CUX1: variants seen among roughly 807,000 people sequenced by gnomAD.
CUX1 encodes the protein protein CASP.
A neutral mutation model predicts 158.8 loss-of-function variants in CUX1; 31 were observed. That is an observed-to-expected ratio of 0.20 (90% CI 0.15 to 0.26). The LOEUF (loss-of-function observed/expected upper bound fraction) is 0.26, where lower values mean the gene tolerates loss of function less well. Among genes scored for constraint, CUX1 ranks in the 10% least tolerant of loss-of-function variants. The pLI is 1.00. For missense variants in CUX1, 1,589 were observed against 2,014.6 expected, an observed-to-expected ratio of 0.79 and a Z score of 4.04; for synonymous variants, 879 against 862.1, an observed-to-expected ratio of 1.02 and a Z score of -0.34.
chr7:102,233,435 T>TC (rs1211919775), intron 21 of CUX1, among the ~76,000 whole-genome samples: 5 of 152,152 alleles, frequency 3.3e-5, no homozygotes, highest in Admixed American at 1.3e-4. Flanking sequence ...CAAATGATCT[T>TC]CCCGCTTCAG....
rs548795253 is a variant in CUX1, at chr7:101,833,078, G to A, written c.30+15409G>A. ...TCCTGAGAAAAAGGGAGGAGGGTGC[G>A]TTCGACTGAACGTGAAGCGTTCAAG... On this transcript the variant is annotated intron_variant, in intron 1 of 23. Transcript: ENST00000292535. 6.6e-5 allele frequency among the ~76,000 whole-genome samples: 10 copies of A among 152,120 alleles called. No individual in the cohort carries two copies. The South Asian group carries it at 8.3e-4, about 13-fold the overall frequency.
At chr7:102,036,014 T>C (rs1421620965) in intron 3 of CUX1, among the ~76,000 whole-genome samples, 1 of 152,174 alleles carries the variant, frequency 6.6e-6, no homozygotes, top group Non-Finnish European at 1.5e-5. Context: ...TTTCTGGTTA[T>C]CCCTAAGATT....
At chr7:102,078,562 C>T (rs2130709794) in intron 4 of CUX1, among the ~76,000 whole-genome samples, 1 of 152,292 alleles carries the variant, frequency 6.6e-6, no homozygotes, top group East Asian at 1.9e-4. Flanking sequence ...CCTACAGACA[C>T]AAACCCTTCA....
chr7:101,884,778 A>T (rs935747655), intron 1 of CUX1, among the ~76,000 whole-genome samples: 8 of 152,328 alleles, frequency 5.3e-5, no homozygotes, highest in African/African-American at 1.9e-4. Context: ...TTTAATGGAT[A>T]TTTACACAGT....
At chr7:102,009,754 C>T (rs1817781099) in intron 2 of CUX1, among the ~76,000 whole-genome samples, 1 of 152,242 alleles carries the variant, frequency 6.6e-6, no homozygotes, top group Non-Finnish European at 1.5e-5. Flanking sequence ...TGGCCAAGGG[C>T]CTTGGACTTC....
chr7:102,060,594 C>A (rs1243261955), intron 3 of CUX1, among the ~76,000 whole-genome samples: 3 of 88,628 alleles, frequency 3.4e-5, no homozygotes, highest in African/African-American at 1.2e-4. Flanking sequence ...TATATATATA[C>A]ACACACACAA....
chr7:102,202,847 G>A (rs1356371253), intron 18 of CUX1, among the ~76,000 whole-genome samples: 3 of 152,298 alleles, frequency 2.0e-5, no homozygotes, highest in South Asian at 2.1e-4. Context: ...AAGTGTAATC[G>A]TGCATGGACG....
intron 2 of CUX1, among the ~76,000 whole-genome samples, chr7:102,019,074 A>G (rs1819021293): frequency 6.6e-6 from 1 of 152,196 alleles, no homozygotes; most frequent in African/African-American, 2.4e-5. Flanking sequence ...CTGCCAGATC[A>G]CGGCCTCTGT....
chr7:102,185,085 G>T (rs1471038059), intron 11 of CUX1, among the ~76,000 whole-genome samples: 1 of 152,212 alleles, frequency 6.6e-6, no homozygotes, highest in African/African-American at 2.4e-5. Context: ...GAATAGCGGG[G>T]ACCCTGGGAG....
Position 102,087,495 on chromosome 7 carries a change from T to C in CUX1, c.269-9869T>C, listed in dbSNP as rs367942420. ...CTCAGGAGGCTGAGGCAGGAAAATC[T>C]CTCGAACCCGGGAGACAAAGGTTGC... On this transcript the variant is annotated intron_variant, in intron 4 of 23. Coordinates refer to ENST00000292535, the MANE Select transcript of CUX1 (RefSeq NM_181552.4). Among the ~76,000 whole-genome samples, 21 of 152,200 alleles carry C rather than the reference T, an allele frequency of 1.4e-4. 1 individual carries two copies. In the East Asian group the frequency reaches 1.7e-3, roughly 13 times the overall value.
intron 11 of CUX1, 23 bp downstream of exon 11, chr7:102,178,680 G>A (rs782229090): frequency 1.9e-6 from 3 of 1,588,578 alleles, no homozygotes; most frequent in Non-Finnish European, 2.6e-6. Context: ...CGGGGCCCGG[G>A]GGTGGCCCGA....
intron 17 of CUX1, among the ~76,000 whole-genome samples, chr7:102,275,744 C>T (rs1437505189): frequency 6.6e-6 from 1 of 152,168 alleles, no homozygotes; most frequent in Non-Finnish European, 1.5e-5. Context: ...TGCGGTGGCT[C>T]ACACCTGTAA....
At position 102,239,603 on chromosome 7, in the gene CUX1, A is replaced by C. The variant is rs1554534160; in HGVS notation, c.3887+19A>C. ...ACTACAGGTACGACGGCTGGCTCAC[A>C]GGGAGCGCCGGTCGGCCCAGGGGAA... On this transcript the variant is annotated intron_variant, in intron 23 of 23. Transcript: ENST00000292535. The C allele has an allele frequency of 6.2e-7, 1 of 1,603,996 alleles. No individual in the cohort carries two copies. Among genetic ancestry groups the C allele is most frequent in the Non-Finnish European group, 8.5e-7 (1 of 1,172,472 alleles).
chr7:102,145,125 AAGT>A (rs1444162079), intron 8 of CUX1, among the ~76,000 whole-genome samples: 3 of 151,558 alleles, frequency 2.0e-5, no homozygotes, highest in Non-Finnish European at 2.9e-5. Context: ...ATCTCGATTC[AAGT>A]AAGATCCACA....
rs71519103 is a variant in CUX1 at position 102,028,988 on chromosome 7, ATT to A, written c.189+863_189+864del. 6.0e-3 allele frequency among the ~76,000 whole-genome samples: 690 copies of A among 114,188 alleles called. 3 individuals carry two copies. Among genetic ancestry groups the A allele is most frequent in the African/African-American group, 0.021 (625 of 30,102 alleles). The allele number at this position is 114,188 out of a possible 152,430, so 74.9% of individuals were successfully genotyped here. ...AGCCCATATTGGTACAGTCTTAGGG[ATT>A]TTTTTTTTTTTTTTTTTTTGGCGAC... On this transcript the variant is annotated intron_variant, in intron 3 of 23. Transcript: ENST00000292535.
intron 8 of CUX1, among the ~76,000 whole-genome samples, chr7:102,127,000 G>T (rs1454782096): frequency 6.6e-6 from 1 of 152,088 alleles, no homozygotes; most frequent in Non-Finnish European, 1.5e-5. Context: ...TTCACAGTAG[G>T]GTTTGCACTC....
intron 2 of CUX1, among the ~76,000 whole-genome samples, chr7:102,020,303 T>C (rs1309379034): frequency 1.3e-5 from 2 of 152,246 alleles, no homozygotes; most frequent in African/African-American, 4.8e-5. Context: ...GGTTATATGG[T>C]TCATCTTCAG....
At chr7:102,068,776 C>G (rs116451032) in intron 3 of CUX1, among the ~76,000 whole-genome samples, 1 of 152,170 alleles carries the variant, frequency 6.6e-6, no homozygotes, top group Non-Finnish European at 1.5e-5. Context: ...TTTGCCTGAG[C>G]CAGTATGACA....
At chr7:101,826,524 C>G (rs1013037880) in intron 1 of CUX1, among the ~76,000 whole-genome samples, 6 of 152,144 alleles carry the variant, frequency 3.9e-5, no homozygotes, top group African/African-American at 1.4e-4. Flanking sequence ...TCATGCATTC[C>G]TTTTTCTTTT....
Sources: gnomAD v4.1 joint callset for allele counts (sites outside exome capture counted in the v4.1 genomes callset) on GRCh38, gnomAD v4.1.1 for gene constraint, MANE v1.5 for transcripts, NCBI Gene and HGNC (gene_info 2026-07-23, HGNC 2026-07-21) for gene names.